LINGO2: variants seen among roughly 807,000 people sequenced by gnomAD.
LINGO2 encodes leucine-rich repeat and immunoglobulin-like domain-containing nogo receptor-interacting protein 2.
LINGO2 carries 14 observed loss-of-function variants against 30.6 expected under a neutral mutation model. The observed-to-expected ratio is 0.46, with a 90% confidence interval of 0.30 to 0.72. The LOEUF is 0.72. LINGO2 is among the 30% of genes least tolerant of loss of function. The pLI, the probability that LINGO2 is intolerant of heterozygous loss-of-function variation, is 0.07. For missense variants in LINGO2, 729 were observed against 751.7 expected (o/e 0.97, Z 0.35); for synonymous variants, 317 against 288.5 (o/e 1.10, Z -1.00).
chr9:28,795,073 C>T, the LINGO2 span, among the ~76,000 whole-genome samples: 6 of 151,864 alleles, frequency 4.0e-5, no homozygotes, highest in Non-Finnish European at 5.9e-5. Flanking sequence ...TCAGGTGATG[C>T]GCCCCCACCT....
the LINGO2 span, among the ~76,000 whole-genome samples, chr9:29,065,108 C>G: frequency 6.6e-6 from 1 of 152,192 alleles, no homozygotes; most frequent in African/African-American, 2.4e-5. Context: ...CCCTAAGATA[C>G]TCTCTCTACA....
At chr9:28,489,397 G>A (rs1564236120) in intron 1 of LINGO2, among the ~76,000 whole-genome samples, 2 of 152,094 alleles carry the variant, frequency 1.3e-5, no homozygotes, top group Admixed American at 1.3e-4. Flanking sequence ...TCGAACTCCT[G>A]ACCTCAAAGT....
intron 5 of LINGO2, among the ~76,000 whole-genome samples, chr9:27,967,157 G>T (rs1462265071): frequency 1.3e-5 from 2 of 152,132 alleles, no homozygotes; most frequent in Non-Finnish European, 1.5e-5. Flanking sequence ...CTCTGGAAAT[G>T]AACAAATAAA....
At chr9:28,057,869 G>T (rs1825009186) in intron 4 of LINGO2, among the ~76,000 whole-genome samples, 2 of 152,006 alleles carry the variant, frequency 1.3e-5, no homozygotes, top group South Asian at 4.2e-4. Flanking sequence ...TCAGAAATCA[G>T]CTCAAGCGTT....
intron 3 of LINGO2, among the ~76,000 whole-genome samples, chr9:28,341,154 C>G (rs1310224229): frequency 6.6e-6 from 1 of 152,014 alleles, no homozygotes; most frequent in Non-Finnish European, 1.5e-5. Flanking sequence ...TTAACCAATT[C>G]AATAGATATG....
At chr9:28,459,346 A>G (rs542691874) in intron 2 of LINGO2, among the ~76,000 whole-genome samples, 1 of 152,006 alleles carries the variant, frequency 6.6e-6, no homozygotes, top group East Asian at 1.9e-4. Flanking sequence ...GTAATTACAT[A>G]CTCATTTTAA....
chr9:29,129,117 G>T, the LINGO2 span, among the ~76,000 whole-genome samples: 1 of 152,056 alleles, frequency 6.6e-6, no homozygotes, highest in Non-Finnish European at 1.5e-5. Flanking sequence ...CTTGGTTTGC[G>T]TGCCTTCTTT....
intron 1 of LINGO2, among the ~76,000 whole-genome samples, chr9:28,561,765 A>ATAT (rs1823091617): frequency 1.5e-5 from 2 of 137,384 alleles, no homozygotes; most frequent in African/African-American, 2.7e-5. Context: ...ATATATATAT[A>ATAT]TATATATATA....
chr9:28,467,018 C>T (rs1441999893), intron 2 of LINGO2, among the ~76,000 whole-genome samples: 1 of 149,980 alleles, frequency 6.7e-6, no homozygotes, highest in Non-Finnish European at 1.5e-5. Context: ...ATAACCCTAG[C>T]TGACTCTCTT....
chr9:28,040,757 T>C (rs1368652353), intron 4 of LINGO2, among the ~76,000 whole-genome samples: 1 of 109,906 alleles, frequency 9.1e-6, no homozygotes, highest in African/African-American at 3.5e-5. Flanking sequence ...ACTCAGATAA[T>C]TTAACTGACT....
intron 4 of LINGO2, among the ~76,000 whole-genome samples, chr9:28,196,916 G>A (rs180706728): frequency 6.6e-6 from 1 of 151,894 alleles, no homozygotes; most frequent in Non-Finnish European, 1.5e-5. Flanking sequence ...GGGGATTGGA[G>A]GATAAAGTGG....
chr9:27,975,788 T>G (rs1820564965), intron 5 of LINGO2, among the ~76,000 whole-genome samples: 1 of 152,180 alleles, frequency 6.6e-6, no homozygotes, highest in African/African-American at 2.4e-5. Flanking sequence ...GAAAATTTCC[T>G]AAATTCATTA....
downstream of LINGO2, among the ~76,000 whole-genome samples, chr9:27,945,440 C>G (rs746371407): frequency 2.6e-5 from 4 of 152,120 alleles, no homozygotes; most frequent in Non-Finnish European, 4.4e-5. Flanking sequence ...AGGGCAACTT[C>G]TGAATGTGTT....
chr9:28,769,510 ATATATATATTTTTTTTTTTT>A, the LINGO2 span, among the ~76,000 whole-genome samples: 31 of 2,402 alleles, frequency 0.013, 3 homozygotes, highest in Admixed American at 0.029. Flanking sequence ...ATATATATAT[ATATATATATTTTTTTTTTTT>A]TTTTTTTTTT....
At chr9:28,144,646 A>G (rs1827764826) in intron 4 of LINGO2, among the ~76,000 whole-genome samples, 6 of 152,164 alleles carry the variant, frequency 3.9e-5, no homozygotes, top group Admixed American at 3.9e-4. Context: ...AAAGTCTACT[A>G]TGTTTAAGTC....
intron 1 of LINGO2, among the ~76,000 whole-genome samples, chr9:28,477,859 C>T (rs1023836632): frequency 4.6e-5 from 7 of 152,126 alleles, no homozygotes; most frequent in Non-Finnish European, 1.0e-4. Flanking sequence ...TTGTGGTCTA[C>T]AACTTCTGAA....
chr9:28,371,373 G>A lies in LINGO2; in HGVS notation c.-246+1463C>T, dbSNP rs1211250901. 3.3e-5 allele frequency among the ~76,000 whole-genome samples: 5 copies of A among 152,314 alleles called. No homozygotes were observed. The South Asian group carries it at 6.2e-4, about 19-fold the overall frequency. On this transcript the variant is annotated intron_variant, in intron 3 of 5. Coordinates refer to ENST00000379992, the Ensembl canonical transcript of LINGO2. ...GTCTCATTGTTCTGGAGTCTGGGAA[G>A]TCCAAGATCAAGGTACAGGCAGGAG...
chr9:29,168,741 A>G, the LINGO2 span, among the ~76,000 whole-genome samples: 2 of 152,204 alleles, frequency 1.3e-5, no homozygotes, highest in African/African-American at 4.8e-5. Flanking sequence ...TGGATCCCAG[A>G]TGACACTGAT....
intron 1 of LINGO2, among the ~76,000 whole-genome samples, chr9:28,479,935 A>G (rs1184320670): frequency 2.5e-4 from 31 of 123,642 alleles, no homozygotes; most frequent in African/African-American, 1.0e-3. Context: ...ATATATATAT[A>G]TATATATATA....
Sources: gnomAD v4.1 joint callset for allele counts (sites outside exome capture counted in the v4.1 genomes callset) on GRCh38, gnomAD v4.1.1 for gene constraint, MANE v1.5 for transcripts, NCBI Gene and HGNC (gene_info 2026-07-23, HGNC 2026-07-21) for gene names.